Variants in UBE4B observed in about 807,000 individuals in gnomAD.
The protein encoded by UBE4B is ubiquitination factor E4B.
Under a neutral mutation model 148.1 loss-of-function variants are expected in UBE4B, and 27 were observed. The ratio of observed to expected loss-of-function variants is 0.18; its 90% CI spans 0.13 to 0.25. The LOEUF (loss-of-function observed/expected upper bound fraction) is 0.25. Ranked by LOEUF, UBE4B falls within the 10% of genes least tolerant of loss-of-function variation. The pLI, the probability that UBE4B is intolerant of heterozygous loss-of-function variation, is 1.00. For synonymous variants in UBE4B, 596 were observed against 619.3 expected (o/e 0.96, Z 0.56); for missense variants, 1,170 against 1,662.4 (o/e 0.70, Z 5.15).
chr1:10,062,254 C>T (rs1456679369), intron 1 of UBE4B, among the ~76,000 whole-genome samples: 1 of 152,006 alleles, frequency 6.6e-6, no homozygotes, highest in Non-Finnish European at 1.5e-5. Context: ...TTCCTTATCT[C>T]TTTGAATTAA....
Position 10,037,779 on chromosome 1 carries a change from C to T in UBE4B, c.24+4085C>T, listed in dbSNP as rs199996484. ...CCATGTTGCCCAGGCTGGTCTCAAACTCCTGGGCTCAAGTGATCCACCCGC... is the reference window on the plus strand; with the variant it reads ...CCATGTTGCCCAGGCTGGTCTCAAATTCCTGGGCTCAAGTGATCCACCCGC... On this transcript the variant is annotated intron_variant, in intron 1 of 27. Transcript: ENST00000343090. Among the ~76,000 whole-genome samples the T allele has an allele frequency of 5.3e-5, 8 of 152,028 alleles. No individual in the cohort carries two copies. In the East Asian group the frequency reaches 1.6e-3, roughly 30 times the overall value.
At chr1:10,128,300 A>T (rs1267374044) in intron 11 of UBE4B, 2 of 152,242 alleles carry the variant, frequency 1.3e-5, no homozygotes, top group Non-Finnish European at 2.9e-5. Context: ...ATTGTGGTAG[A>T]CAGTGATTTC....
chr1:10,072,262 T>G, intron 2 of UBE4B, 48 bp downstream of exon 2: 1 of 1,581,502 alleles, frequency 6.3e-7, no homozygotes. Flanking sequence ...TCTTCTTAGC[T>G]TTTTGTTAAG....
At chr1:10,124,928 C>A (rs1399319679) in intron 10 of UBE4B, among the ~76,000 whole-genome samples, 2 of 152,114 alleles carry the variant, frequency 1.3e-5, no homozygotes, top group Non-Finnish European at 2.9e-5. Flanking sequence ...GAGTTCGAGA[C>A]CAGGCTGGGC....
At chr1:10,049,728 C>A (rs1643993474) in intron 1 of UBE4B, among the ~76,000 whole-genome samples, 1 of 151,748 alleles carries the variant, frequency 6.6e-6, no homozygotes, top group Non-Finnish European at 1.5e-5. Flanking sequence ...TAGGGAGACC[C>A]CATATGTCCA....
At chr1:10,093,094 T>C (rs1424635265) in intron 2 of UBE4B, among the ~76,000 whole-genome samples, 2 of 152,216 alleles carry the variant, frequency 1.3e-5, no homozygotes, top group Non-Finnish European at 2.9e-5. Flanking sequence ...TACTATACTA[T>C]ACTACAGATA....
rs750260003 is a variant in UBE4B, at chr1:10,168,891, C to CAA, written c.3333+636_3333+637dup. 1.7e-3 allele frequency among the ~76,000 whole-genome samples: 105 copies of CAA among 61,678 alleles called. No homozygotes were observed. Among genetic ancestry groups the CAA allele is most frequent in the African/African-American group, 5.3e-3 (94 of 17,872 alleles). The allele number at this position is 61,678 out of a possible 152,430, so 40.5% of individuals were successfully genotyped here. A position where few individuals can be genotyped will look rare whatever the true frequency, so the allele number is the denominator to read the frequency against. On this transcript the variant is annotated intron_variant, in intron 24 of 27. Coordinates refer to ENST00000343090, the MANE Select transcript of UBE4B (RefSeq NM_001105562.3). The surrounding 1 kb of genome is among the most constrained non-coding windows in gnomAD (Gnocchi z 4.9). Reference sequence around the variant, plus strand: ...TGGGCGACAGAGTGAGACTCCATCTCAAAAAAAAAAAAAAAAGAAGAAGAA... The same window carrying CAA: ...TGGGCGACAGAGTGAGACTCCATCTCAAAAAAAAAAAAAAAAAAGAAGAAGAA...
intron 7 of UBE4B, among the ~76,000 whole-genome samples, chr1:10,115,277 G>A (rs576789764): frequency 1.1e-4 from 17 of 149,936 alleles, no homozygotes; most frequent in African/African-American, 2.7e-4. Context: ...ATGAGCCACC[G>A]TGCCCAGCAA....
chr1:10,094,655 C>T lies in UBE4B; in HGVS notation c.212-806C>T, dbSNP rs1184520286. 4.0e-5 allele frequency among the ~76,000 whole-genome samples: 6 copies of T among 151,898 alleles called. No individual in the cohort carries two copies. In the East Asian group the frequency reaches 7.7e-4, roughly 20 times the overall value. On this transcript the variant is annotated intron_variant, in intron 2 of 27. Transcript: ENST00000343090. ...TTCACCATGTTAGCCAGGATGGTCT[C>T]AATCTCCTGACCTTGTGATTCACCC...
At chr1:10,150,821 C>G (rs1220032342) in intron 20 of UBE4B, among the ~76,000 whole-genome samples, 1 of 148,566 alleles carries the variant, frequency 6.7e-6, no homozygotes, top group East Asian at 2.0e-4. Context: ...GATTGTGCCA[C>G]TGCACTCCAG....
At chr1:10,046,090 A>G (rs1438354011) in intron 1 of UBE4B, among the ~76,000 whole-genome samples, 1 of 152,080 alleles carries the variant, frequency 6.6e-6, no homozygotes, top group Non-Finnish European at 1.5e-5. Context: ...GTATGTCTGC[A>G]TTCTGGCCAG....
At chr1:10,052,320 C>T (rs1334559033) in intron 1 of UBE4B, among the ~76,000 whole-genome samples, 5 of 152,102 alleles carry the variant, frequency 3.3e-5, no homozygotes, top group African/African-American at 7.2e-5. Context: ...GATCCTCCGG[C>T]CTTAGCCTCC....
At chr1:10,069,509 T>C (rs142278958) in intron 1 of UBE4B, among the ~76,000 whole-genome samples, 4 of 152,194 alleles carry the variant, frequency 2.6e-5, no homozygotes, top group Non-Finnish European at 4.4e-5. Context: ...GGTGGTTTTC[T>C]CACAACCCTG....
chr1:10,036,999 C>T (rs1057125254), intron 1 of UBE4B, among the ~76,000 whole-genome samples: 16 of 152,092 alleles, frequency 1.1e-4, no homozygotes, highest in African/African-American at 3.9e-4. Context: ...TTTTTGGTCC[C>T]TGTCATAGAT....
intron 11 of UBE4B, among the ~76,000 whole-genome samples, chr1:10,127,688 C>G (rs1645524183): frequency 6.6e-6 from 1 of 151,980 alleles, no homozygotes; most frequent in South Asian, 2.1e-4. Context: ...TTACTTATTC[C>G]ACTGATTGGA....
At position 10,168,984 on chromosome 1, in the gene UBE4B, C is replaced by A. The variant is rs973254192; in HGVS notation, c.3333+714C>A. Reference sequence around the variant, plus strand: ...TAGAATAATTGAGACCGTGTAAAATCTTTGGCTCTCTTAGCTGTACCTTTG... The same window carrying A: ...TAGAATAATTGAGACCGTGTAAAATATTTGGCTCTCTTAGCTGTACCTTTG... On this transcript the variant is annotated intron_variant, in intron 24 of 27. Coordinates refer to ENST00000343090, the MANE Select transcript of UBE4B (RefSeq NM_001105562.3). The surrounding 1 kb of genome is among the most constrained non-coding windows in gnomAD (Gnocchi z 4.9). Among the ~76,000 whole-genome samples the A allele has an allele frequency of 1.3e-5, 2 of 151,960 alleles. No individual in the cohort carries two copies. The highest frequency in any genetic ancestry group is 2.4e-5 in the African/African-American group (1 of 41,378).
intron 21 of UBE4B, among the ~76,000 whole-genome samples, chr1:10,153,155 G>A (rs1001533974): frequency 6.6e-6 from 1 of 151,920 alleles, no homozygotes; most frequent in Non-Finnish European, 1.5e-5. Context: ...AGAGAGGGCG[G>A]GCTGCCAAAG....
intron 23 of UBE4B, chr1:10,166,475 T>A (rs1557611656): frequency 1.3e-5 from 2 of 152,152 alleles, no homozygotes; most frequent in Admixed American, 1.3e-4. Flanking sequence ...GGTGGCACAC[T>A]GCATCTCATA....
chr1:10,041,195 A>G (rs1643747532), intron 1 of UBE4B, among the ~76,000 whole-genome samples: 2 of 152,068 alleles, frequency 1.3e-5, no homozygotes, highest in South Asian at 4.1e-4. Context: ...AGGCTAATAG[A>G]AATTAATTTA....
Sources: allele counts gnomAD v4.1 joint callset (sites outside exome capture counted in the v4.1 genomes callset), GRCh38; gene constraint gnomAD v4.1.1; non-coding constraint Gnocchi (gnomAD v3.1); transcripts MANE v1.5; gene names NCBI Gene and HGNC (gene_info 2026-07-23, HGNC 2026-07-21).